PDE7A: variants seen among roughly 807,000 people sequenced by gnomAD.
PDE7A encodes the protein phosphodiesterase 7A, also known as high affinity 3',5'-cyclic-AMP phosphodiesterase 7A.
A neutral mutation model predicts 64.3 loss-of-function variants in PDE7A; 39 were observed. The observed-to-expected ratio is 0.61, with a 90% CI of 0.47 to 0.79. PDE7A has a LOEUF of 0.79. Ranked by LOEUF, PDE7A falls within the 30% of genes least tolerant of loss-of-function variation. PDE7A has a pLI of 0.00. For missense variants in PDE7A, 470 were observed against 582.8 expected, an observed-to-expected ratio of 0.81 and a Z score of 1.99; for synonymous variants, 203 against 206.8, an observed-to-expected ratio of 0.98 and a Z score of 0.16.
At chr8:65,728,223 T>C (rs1173497400) in intron 7 of PDE7A, 1 of 152,218 alleles carries the variant, frequency 6.6e-6, no homozygotes, top group East Asian at 1.9e-4. Flanking sequence ...ACACCACTTA[T>C]ATTAAGTATA....
intron 6 of PDE7A, among the ~76,000 whole-genome samples, chr8:65,737,895 AG>A (rs1807218677): frequency 6.6e-6 from 1 of 152,238 alleles, no homozygotes; most frequent in African/African-American, 2.4e-5. Flanking sequence ...ATTTTCCTAC[AG>A]TAATAAATTA....
At chr8:65,827,486 T>G (rs1024203429) in intron 1 of PDE7A, among the ~76,000 whole-genome samples, 4 of 152,214 alleles carry the variant, frequency 2.6e-5, no homozygotes, top group African/African-American at 9.6e-5. Flanking sequence ...GAATGTTTTT[T>G]GTAAACTAGC....
At chr8:65,824,277 A>G (rs1431534714) in intron 1 of PDE7A, among the ~76,000 whole-genome samples, 1 of 152,156 alleles carries the variant, frequency 6.6e-6, no homozygotes, top group Non-Finnish European at 1.5e-5. Context: ...GGCGCCATGA[A>G]ACTTGTCCAC....
At chr8:65,787,781 G>C (rs1249216041) in intron 1 of PDE7A, among the ~76,000 whole-genome samples, 1 of 109,092 alleles carries the variant, frequency 9.2e-6, no homozygotes, top group East Asian at 2.3e-4. Context: ...CATCTCTACA[G>C]GGGGGGGAAA....
At chr8:65,743,989 C>T (rs1196667284) in intron 5 of PDE7A, among the ~76,000 whole-genome samples, 1 of 152,178 alleles carries the variant, frequency 6.6e-6, no homozygotes, top group African/African-American at 2.4e-5. Flanking sequence ...TGAACCACCA[C>T]ACCCAGCCAA....
In PDE7A at chr8:65,791,690, C is replaced by T. The variant is rs2128926143; in HGVS notation, c.139-8847G>A. ...CGGTAATACAGAGATAATCAAGACA[C>T]AATTCTCCCCCAGATCAGAAAATTT... On this transcript the variant is annotated intron_variant, in intron 1 of 12. Coordinates refer to ENST00000401827, the MANE Select transcript of PDE7A (RefSeq NM_001242318.3). Among the ~76,000 whole-genome samples, 2 of 152,330 alleles carry T rather than the reference C, an allele frequency of 1.3e-5. 1 individual carries two copies. The highest frequency in any genetic ancestry group is 4.1e-4 in the South Asian group (2 of 4,826).
At position 65,716,015 on chromosome 8, in the gene PDE7A, A is replaced by G. The variant is rs1004770765; in HGVS notation, c.*3275T>C. Among the ~76,000 whole-genome samples the G allele has an allele frequency of 6.8e-6, 1 of 147,646 alleles. No homozygotes were observed. The highest frequency in any genetic ancestry group is 1.5e-5 in the Non-Finnish European group (1 of 66,548). On this transcript the variant is annotated 3_prime_UTR_variant, in exon 13 of 13. Coordinates refer to ENST00000401827, the MANE Select transcript of PDE7A (RefSeq NM_001242318.3). ...CTGTCTCAAAAAAAAAAAAAAAAAA[A>G]AAAAAAAAAATTAGCTGGGTGGTGT...
chr8:65,746,741 T>C (rs191791354), intron 4 of PDE7A, among the ~76,000 whole-genome samples: 1 of 152,258 alleles, frequency 6.6e-6, no homozygotes, highest in African/African-American at 2.4e-5. Flanking sequence ...AGATCAATAT[T>C]CTCATTCTAA....
chr8:65,810,360 T>TGGGGGGGGG (rs370920760), intron 1 of PDE7A, among the ~76,000 whole-genome samples: 1 of 124,222 alleles, frequency 8.1e-6, no homozygotes, highest in Non-Finnish European at 1.7e-5. Flanking sequence ...GGTGGGGGGA[T>TGGGGGGGGG]GGGGGAGGGA....
At chr8:65,739,081 C>T (rs1218844523) in intron 6 of PDE7A, among the ~76,000 whole-genome samples, 9 of 152,334 alleles carry the variant, frequency 5.9e-5, no homozygotes, top group Admixed American at 2.0e-4. Flanking sequence ...TCAGCTCTCT[C>T]GGAAACCTGC....
intron 1 of PDE7A, among the ~76,000 whole-genome samples, chr8:65,806,144 C>T (rs1047226774): frequency 2.6e-5 from 4 of 152,172 alleles, no homozygotes; most frequent in African/African-American, 9.7e-5. Flanking sequence ...TAAGGAATGA[C>T]TGGTTGACTA....
At chr8:65,720,909 C>A (rs1205923358) in intron 12 of PDE7A, among the ~76,000 whole-genome samples, 1 of 152,224 alleles carries the variant, frequency 6.6e-6, no homozygotes, top group African/African-American at 2.4e-5. Flanking sequence ...GAGTTATCTA[C>A]CCACATGGCC....
rs758152611 is a variant in PDE7A at position 65,726,871 on chromosome 8, C to A, written c.920+4G>T. 1.8e-5 allele frequency: 27 copies of A among 1,522,178 alleles called. No homozygotes were observed. The South Asian group carries it at 2.9e-4, about 16-fold the overall frequency. 94.3% of individuals were successfully genotyped at this position (1,522,178 alleles called of 1,614,324 possible). ...CAAATTAAATTTGTCTTAATCCAAC[C>A]TACCTGCTTTCTAATGGCAGATGTG... On this transcript the variant is annotated splice_donor_region_variant and intron_variant, in intron 9 of 12. Coordinates refer to ENST00000401827, the MANE Select transcript of PDE7A (RefSeq NM_001242318.3).
intron 1 of PDE7A, among the ~76,000 whole-genome samples, chr8:65,830,981 T>C (rs1260995227): frequency 6.6e-6 from 1 of 152,136 alleles, no homozygotes; most frequent in Non-Finnish European, 1.5e-5. Context: ...AAATTAACTT[T>C]GTTCACATAT....
At chr8:65,788,928 A>C (rs750543066) in intron 1 of PDE7A, 2 of 1,613,034 alleles carry the variant, frequency 1.2e-6, no homozygotes, top group Non-Finnish European at 1.7e-6. Flanking sequence ...ACACCAGATC[A>C]ATGTAATTCC....
chr8:65,745,088 A>G (rs1425172327), intron 5 of PDE7A, among the ~76,000 whole-genome samples: 1 of 152,146 alleles, frequency 6.6e-6, no homozygotes, highest in Non-Finnish European at 1.5e-5. Context: ...AGATCTGATG[A>G]TTTCATAAGG....
intron 1 of PDE7A, among the ~76,000 whole-genome samples, chr8:65,812,838 G>A (rs1394598314): frequency 6.6e-6 from 1 of 152,132 alleles, no homozygotes; most frequent in Non-Finnish European, 1.5e-5. Context: ...CACTGGCAAG[G>A]ATTCGAAAGA....
chr8:65,806,261 CTT>C (rs1563514671), intron 1 of PDE7A, among the ~76,000 whole-genome samples: 1 of 151,892 alleles, frequency 6.6e-6, no homozygotes, highest in Non-Finnish European at 1.5e-5. Context: ...TTCTTGGACA[CTT>C]TTAACTATTT....
chr8:65,788,792 C>T, intron 1 of PDE7A: 1 of 836,352 alleles, frequency 1.2e-6, no homozygotes, highest in Non-Finnish European at 1.9e-6. Context: ...AAAACTGAGG[C>T]AAAAGGAGGA....
Sources: gnomAD v4.1 joint callset for allele counts (sites outside exome capture counted in the v4.1 genomes callset) on GRCh38, gnomAD v4.1.1 for gene constraint, MANE v1.5 for transcripts, NCBI Gene and HGNC (gene_info 2026-07-23, HGNC 2026-07-21) for gene names.